SGPP1: variants seen among roughly 807,000 people sequenced by gnomAD.
SGPP1 encodes hSPP1.
SGPP1 carries 21 observed loss-of-function variants against 33.0 expected under a neutral mutation model. The ratio of observed to expected loss-of-function variants is 0.64; its 90% CI spans 0.45 to 0.92. The LOEUF (loss-of-function observed/expected upper bound fraction) is 0.92. SGPP1 is among the 40% of genes least tolerant of loss of function. The pLI, the probability that SGPP1 is intolerant of heterozygous loss-of-function variation, is 0.00. For missense variants in SGPP1, 543 were observed against 589.4 expected, an observed-to-expected ratio of 0.92 and a Z score of 0.81; for synonymous variants, 239 against 241.2, an observed-to-expected ratio of 0.99 and a Z score of 0.08.
chr14:63,725,723 G>T (rs1031936945), intron 1 of SGPP1, among the ~76,000 whole-genome samples: 4 of 152,038 alleles, frequency 2.6e-5, no homozygotes, highest in African/African-American at 9.7e-5. Flanking sequence ...TATGTGTCCA[G>T]AACAAATAAA....
chr14:63,712,736 C>G (rs557893089), intron 1 of SGPP1, among the ~76,000 whole-genome samples: 1 of 150,174 alleles, frequency 6.7e-6, no homozygotes, highest in South Asian at 2.1e-4. Context: ...GGCACCGTTA[C>G]AGTTCACTGC....
intron 2 of SGPP1, among the ~76,000 whole-genome samples, chr14:63,688,725 CTTTTTTTTTTT>C (rs1051862998): frequency 2.0e-4 from 23 of 115,950 alleles, no homozygotes; most frequent in Admixed American, 1.4e-3. Context: ...TTTTTTTTTT[CTTTTTTTTTTT>C]TTTGAGATGG....
At chr14:63,716,851 G>A (rs1243500153) in intron 1 of SGPP1, among the ~76,000 whole-genome samples, 2 of 151,974 alleles carry the variant, frequency 1.3e-5, no homozygotes, top group Non-Finnish European at 2.9e-5. Context: ...CCACCAACAT[G>A]CCAGCTAATT....
At chr14:63,717,338 G>GA (rs1885654759) in intron 1 of SGPP1, among the ~76,000 whole-genome samples, 1 of 146,568 alleles carries the variant, frequency 6.8e-6, no homozygotes, top group South Asian at 2.1e-4. Flanking sequence ...TTTTTGAGAC[G>GA]GAGTCTCACT....
At chr14:63,714,802 T>C in intron 1 of SGPP1, among the ~76,000 whole-genome samples, 1 of 151,784 alleles carries the variant, frequency 6.6e-6, no homozygotes. Flanking sequence ...TATAGTGATG[T>C]GGTTACAGCT....
chr14:63,696,885 T>C (rs932051751), intron 2 of SGPP1, among the ~76,000 whole-genome samples: 3 of 151,812 alleles, frequency 2.0e-5, no homozygotes, highest in Non-Finnish European at 2.9e-5. Flanking sequence ...ACTCAGGAGG[T>C]TGAGGCACAA....
At chr14:63,694,512 C>A (rs933195170) in intron 2 of SGPP1, among the ~76,000 whole-genome samples, 1 of 151,994 alleles carries the variant, frequency 6.6e-6, no homozygotes, top group African/African-American at 2.4e-5. Flanking sequence ...TAGATTGCTA[C>A]GAAACTAGAC....
chr14:63,720,780 A>G (rs889966894), intron 1 of SGPP1, among the ~76,000 whole-genome samples: 6 of 151,952 alleles, frequency 3.9e-5, no homozygotes, highest in Non-Finnish European at 5.9e-5. Flanking sequence ...CAAACAAACA[A>G]CTATATAAAT....
In SGPP1 at chr14:63,698,650, A is replaced by C; in HGVS notation, c.693T>G (p.Leu231=). 4 of 1,580,222 alleles carry C rather than the reference A, an allele frequency of 2.5e-6. No individual in the cohort carries two copies. In the South Asian group the frequency reaches 4.7e-5, roughly 19 times the overall value. The change falls in exon 2 of 3, where the codon CTT becomes CTG. Residue 231 remains leucine, a synonymous_variant. Coordinates refer to ENST00000247225, the MANE Select transcript of SGPP1 (RefSeq NM_030791.4). The part of the protein sequence containing the change: ...LLTYGRWQYP[L]IYGLILIPCW... Reference sequence around the variant, plus strand: ...AGGGAATAAGAATCAGTCCATATATAAGAGGGTACTAAAGGGGAAAAAAAG... The same window carrying C: ...AGGGAATAAGAATCAGTCCATATATCAGAGGGTACTAAAGGGGAAAAAAAG...
intron 1 of SGPP1, among the ~76,000 whole-genome samples, chr14:63,712,189 T>C (rs1364831930): frequency 2.0e-5 from 3 of 150,596 alleles, no homozygotes; most frequent in African/African-American, 7.5e-5. Flanking sequence ...ATTAGCTTTT[T>C]CTTTTTTTAA....
intron 2 of SGPP1, among the ~76,000 whole-genome samples, chr14:63,696,499 G>A (rs1196680428): frequency 6.6e-6 from 1 of 152,222 alleles, no homozygotes; most frequent in East Asian, 1.9e-4. Flanking sequence ...GGGTGGAACA[G>A]AATAACTCTA....
chr14:63,707,761 T>C (rs1247296389), intron 1 of SGPP1, among the ~76,000 whole-genome samples: 1 of 152,022 alleles, frequency 6.6e-6, no homozygotes, highest in Admixed American at 6.6e-5. Context: ...TAAGTATTTT[T>C]TTATGTCTTG....
chr14:63,702,543 C>G (rs1885321537), intron 1 of SGPP1, among the ~76,000 whole-genome samples: 1 of 151,964 alleles, frequency 6.6e-6, no homozygotes, highest in Non-Finnish European at 1.5e-5. Flanking sequence ...AACCTTGTCT[C>G]TACTAAAAAT....
chr14:63,708,938 T>C (rs1393733347), intron 1 of SGPP1, among the ~76,000 whole-genome samples: 1 of 152,234 alleles, frequency 6.6e-6, no homozygotes, highest in Admixed American at 6.5e-5. Flanking sequence ...CTGCCCTTCA[T>C]ATATAAAGTT....
chr14:63,714,495 G>A (rs1478665242), intron 1 of SGPP1, among the ~76,000 whole-genome samples: 1 of 151,880 alleles, frequency 6.6e-6, no homozygotes, highest in East Asian at 1.9e-4. Context: ...ATTATAGTTC[G>A]CTGCAGCCTC....
intron 1 of SGPP1, among the ~76,000 whole-genome samples, chr14:63,720,533 T>G (rs996870279): frequency 6.6e-6 from 1 of 151,358 alleles, no homozygotes; most frequent in South Asian, 2.1e-4. Flanking sequence ...TCGAGGCGGG[T>G]GGATCACCTG....
intron 2 of SGPP1, among the ~76,000 whole-genome samples, chr14:63,695,257 C>T (rs376694078): frequency 2.6e-5 from 4 of 152,174 alleles, no homozygotes; most frequent in Non-Finnish European, 2.9e-5. Context: ...GGGGTTTCAC[C>T]GTGTTAGCCA....
At chr14:63,695,765 G>C (rs1885175002) in intron 2 of SGPP1, among the ~76,000 whole-genome samples, 1 of 152,026 alleles carries the variant, frequency 6.6e-6, no homozygotes, top group Non-Finnish European at 1.5e-5. Context: ...TTAAAAATTA[G>C]CTGGGCATTA....
chr14:63,725,227 T>C (rs114343146), intron 1 of SGPP1, among the ~76,000 whole-genome samples: 5,193 of 151,986 alleles, frequency 0.034, 289 homozygotes, highest in African/African-American at 0.12. Flanking sequence ...CCTTAAAAAA[T>C]TAGCTGGTGT....
Sources: gnomAD v4.1 joint callset for allele counts (sites outside exome capture counted in the v4.1 genomes callset) on GRCh38, gnomAD v4.1.1 for gene constraint, MANE v1.5 for transcripts, NCBI Gene and HGNC (gene_info 2026-07-23, HGNC 2026-07-21) for gene names.